DHX36: variants seen among roughly 807,000 people sequenced by gnomAD.
DHX36 encodes the protein ATP-dependent DNA/RNA helicase DHX36.
In DHX36, 50 loss-of-function variants were observed where a neutral mutation model predicts 139.0. The ratio of observed to expected loss-of-function variants is 0.36; its 90% confidence interval spans 0.29 to 0.46. The LOEUF (loss-of-function observed/expected upper bound fraction) is 0.46, where lower values mean the gene tolerates loss of function less well. DHX36 is among the 20% of genes least tolerant of loss of function. The probability of loss-of-function intolerance (pLI) is 1.00; values close to 1 mark genes in which losing one functional copy is unlikely to be tolerated. For missense variants in DHX36, 1,024 were observed against 1,211.3 expected, an observed-to-expected ratio of 0.85 and a Z score of 2.29; for synonymous variants, 425 against 401.9, an observed-to-expected ratio of 1.06 and a Z score of -0.69.
intron 9 of DHX36, among the ~76,000 whole-genome samples, chr3:154,302,565 A>G (rs1712339556): frequency 6.6e-6 from 1 of 152,188 alleles, no homozygotes; most frequent in Non-Finnish European, 1.5e-5. Context: ...CTGAAGCTAC[A>G]CTACTGAAAG....
rs375852049 is a variant in DHX36 at position 154,292,640 on chromosome 3, C to A, written c.1725G>T (p.Thr575=). Residue 575 remains threonine, a synonymous_variant, in exon 15 of 25, where the codon ACG becomes ACT. Transcript: ENST00000496811. ...YVIDGGKIKE[T]HFDTQNNIST... ...TGATATTGTTCTGAGTATCAAAATG[C>A]GTCTCTTTTATTTTTCCTCCATCTA... is the stretch of plus-strand genomic sequence containing the variant. 3 of 1,612,492 alleles carry A rather than the reference C, an allele frequency of 1.9e-6. No homozygotes were observed. Among genetic ancestry groups the A allele is most frequent in the Non-Finnish European group, 2.5e-6 (3 of 1,179,330 alleles).
chr3:154,303,081 A>T (rs889435851), intron 9 of DHX36, among the ~76,000 whole-genome samples: 5 of 151,976 alleles, frequency 3.3e-5, no homozygotes, highest in African/African-American at 7.3e-5. Context: ...TGTCTCAATT[A>T]AAAAAAACCA....
chr3:154,290,726 T>C (rs766221925), intron 15 of DHX36, among the ~76,000 whole-genome samples: 41 of 152,098 alleles, frequency 2.7e-4, no homozygotes, highest in Middle Eastern at 3.4e-3. Context: ...CTTGCTGCTA[T>C]AGGAACAAAA....
At chr3:154,312,898 T>TATAA (rs1712828712) in intron 3 of DHX36, among the ~76,000 whole-genome samples, 2 of 71,074 alleles carry the variant, frequency 2.8e-5, no homozygotes, top group Admixed American at 1.5e-4. Flanking sequence ...TATATATATA[T>TATAA]ATAAAATAAA....
chr3:154,306,108 T>C, intron 6 of DHX36, 108 bp downstream of exon 6: 2 of 783,640 alleles, frequency 2.6e-6, no homozygotes, highest in Non-Finnish European at 4.2e-6. Context: ...ATGGTAATTG[T>C]AATAGTAATA....
chr3:154,313,130 A>G (rs560672433), intron 3 of DHX36, among the ~76,000 whole-genome samples: 1 of 151,992 alleles, frequency 6.6e-6, no homozygotes, highest in African/African-American at 2.4e-5. Context: ...TGACATAAGT[A>G]TTAACACCCC....
At chr3:154,301,337 G>A (rs931772244) in intron 9 of DHX36, among the ~76,000 whole-genome samples, 2 of 152,132 alleles carry the variant, frequency 1.3e-5, no homozygotes, top group African/African-American at 4.8e-5. Context: ...CTTTATTGAA[G>A]TATATAAACC....
intron 4 of DHX36, 151 bp downstream of exon 4, chr3:154,311,485 T>C (rs1349533368): frequency 1.7e-6 from 1 of 586,016 alleles, no homozygotes; most frequent in Non-Finnish European, 2.8e-6. Context: ...TTTTTTCTTT[T>C]TGTCCTTAAT....
intron 3 of DHX36, among the ~76,000 whole-genome samples, chr3:154,313,076 C>T: frequency 6.6e-6 from 1 of 150,816 alleles, no homozygotes; most frequent in East Asian, 2.0e-4. Context: ...TAATAACTTA[C>T]TTATCTTGTA....
chr3:154,285,789 T>C (rs544310574), intron 17 of DHX36, among the ~76,000 whole-genome samples: 1 of 151,978 alleles, frequency 6.6e-6, no homozygotes, highest in South Asian at 2.1e-4. Context: ...CTAAACAGTT[T>C]TGGAGAAAAT....
chr3:154,275,978 GTATATATA>G lies in DHX36; in HGVS notation c.*185_*192del, dbSNP rs35550732. The stretch of plus-strand genomic sequence containing the variant: ...GATCAGAGAACATATTGCTTTTATG[GTATATATA>G]TATATATATATATATCTCTACATAT... On this transcript the variant is annotated 3_prime_UTR_variant, in exon 25 of 25. Transcript: ENST00000496811. 76 of 311,146 alleles carry G rather than the reference GTATATATA, an allele frequency of 2.4e-4. No individual in the cohort carries two copies. The highest frequency in any genetic ancestry group is 1.7e-3 in the Middle Eastern group (2 of 1,152). 19.3% of individuals were successfully genotyped at this position (311,146 alleles called of 1,614,324 possible).
chr3:154,276,395 A>G lies in DHX36; in HGVS notation c.2842-39T>C, dbSNP rs573751421. On this transcript the variant is annotated intron_variant, in intron 24 of 24. Transcript: ENST00000496811. ...AATTATACATGTTCAACAAAGGCAG[A>G]TATATTACCAAATAACATAATAAAT... 1.0e-4 allele frequency: 157 copies of G among 1,542,034 alleles called. 1 individual carries two copies. The South Asian group carries it at 1.8e-3, about 17-fold the overall frequency.
chr3:154,284,842 C>T lies in DHX36; in HGVS notation c.2177G>A (p.Ser726Asn), dbSNP rs1711505666. 1 of 1,613,490 alleles carries T rather than the reference C, an allele frequency of 6.2e-7. No individual in the cohort carries two copies. The highest frequency in any genetic ancestry group is 1.7e-5 in the Admixed American group (1 of 59,870). The change falls in exon 18 of 25, where the codon AGT (serine) becomes AAT (asparagine). Residue 726 changes from serine (S) to asparagine (N), a missense_variant. Coordinates refer to ENST00000496811, the MANE Select transcript of DHX36 (RefSeq NM_020865.3). ...DPVLTIAASL[S>N]FKDPFVIPLG... ...TGGAATGACAAATGGATCTTTGAAA[C>T]TGAGACTAGCAGCAATAGTGAGTAC...
intron 5 of DHX36, 144 bp from the exon 6 acceptor site, chr3:154,306,439 C>A: frequency 3.0e-6 from 2 of 662,616 alleles, no homozygotes; most frequent in East Asian, 5.6e-5. Context: ...TCTGAGGTAT[C>A]TAAAACAGTG....
intron 1 of DHX36, among the ~76,000 whole-genome samples, chr3:154,319,936 C>A (rs141836939): frequency 6.6e-6 from 1 of 152,308 alleles, no homozygotes; most frequent in African/African-American, 2.4e-5. Flanking sequence ...TCTTCCTCAT[C>A]TTCACAGCAA....
chr3:154,294,561 A>G (rs1711956314), intron 13 of DHX36, among the ~76,000 whole-genome samples: 1 of 152,186 alleles, frequency 6.6e-6, no homozygotes, highest in African/African-American at 2.4e-5. Flanking sequence ...TTTGGAATCA[A>G]GAGTTTTCTT....
chr3:154,282,488 G>T (rs920676478), intron 20 of DHX36, among the ~76,000 whole-genome samples: 1 of 151,026 alleles, frequency 6.6e-6, no homozygotes, highest in East Asian at 1.9e-4. Flanking sequence ...TCCATATTAT[G>T]AAACAGTTTA....
At chr3:154,281,931 ACT>A in intron 20 of DHX36, among the ~76,000 whole-genome samples, 1 of 152,156 alleles carries the variant, frequency 6.6e-6, no homozygotes, top group East Asian at 1.9e-4. Context: ...TGAAATCTCC[ACT>A]GTGATTCCCC....
chr3:154,317,984 T>C (rs947645342), intron 1 of DHX36, among the ~76,000 whole-genome samples: 2 of 152,102 alleles, frequency 1.3e-5, no homozygotes, highest in African/African-American at 4.8e-5. Flanking sequence ...CCAAAATAGC[T>C]GGTCACAACA....
Sources: allele counts gnomAD v4.1 joint callset (sites outside exome capture counted in the v4.1 genomes callset), GRCh38; gene constraint gnomAD v4.1.1; transcripts MANE v1.5; gene names NCBI Gene and HGNC (gene_info 2026-07-23, HGNC 2026-07-21).